The following TMEM131 variants were observed in gnomAD, a reference collection of about 807,000 sequenced individuals.
TMEM131 encodes the protein 2610524E03Rik.
A neutral mutation model predicts 211.6 loss-of-function variants in TMEM131; 66 were observed. The observed-to-expected ratio is 0.31, with a 90% confidence interval of 0.26 to 0.38. TMEM131 has a LOEUF of 0.38. Among genes scored for constraint, TMEM131 ranks in the 10% least tolerant of loss-of-function variants. The pLI is 1.00. For synonymous variants in TMEM131, 844 were observed against 841.3 expected, an observed-to-expected ratio of 1.00 and a Z score of -0.06; for missense variants, 2,036 against 2,299.3, an observed-to-expected ratio of 0.89 and a Z score of 2.34.
chr2:97,801,782 C>G (rs1367713565), intron 25 of TMEM131, 113 bp downstream of exon 25: 1 of 691,754 alleles, frequency 1.4e-6, no homozygotes, highest in African/African-American at 1.9e-5. Flanking sequence ...CTGACTTCTT[C>G]AGTAACTTAC....
chr2:97,873,599 A>G (rs1674577416), intron 4 of TMEM131, among the ~76,000 whole-genome samples: 1 of 152,238 alleles, frequency 6.6e-6, no homozygotes, highest in Admixed American at 6.5e-5. Flanking sequence ...GCTGATACCA[A>G]GGCAAACAGC....
intron 1 of TMEM131, among the ~76,000 whole-genome samples, chr2:97,978,087 G>C (rs1679622476): frequency 6.6e-6 from 1 of 151,758 alleles, no homozygotes; most frequent in South Asian, 2.1e-4. Context: ...ACTCGGTCTT[G>C]GGGAAAAAAA....
chr2:97,841,693 C>G, intron 7 of TMEM131, 122 bp downstream of exon 7: 1 of 1,144,908 alleles, frequency 8.7e-7, no homozygotes, highest in Non-Finnish European at 1.1e-6. Flanking sequence ...ATACCCCTCT[C>G]AATACACTAT....
intron 19 of TMEM131, 82 bp from the exon 20 acceptor site, chr2:97,805,785 T>C (rs1301790624): frequency 7.8e-7 from 1 of 1,274,240 alleles, no homozygotes; most frequent in Non-Finnish European, 1.1e-6. Context: ...TAGACAAGCA[T>C]ACTTCTAGGA....
At chr2:97,931,919 G>A (rs184195614) in intron 1 of TMEM131, among the ~76,000 whole-genome samples, 1 of 152,258 alleles carries the variant, frequency 6.6e-6, no homozygotes, top group East Asian at 1.9e-4. Flanking sequence ...GAGCAGCCCA[G>A]TTATCCTCTA....
chr2:97,919,500 T>C (rs1161967756), intron 2 of TMEM131, among the ~76,000 whole-genome samples: 2 of 152,256 alleles, frequency 1.3e-5, no homozygotes, highest in African/African-American at 4.8e-5. Flanking sequence ...AAGTCAGCTG[T>C]CAGGCTAATT....
At chr2:97,819,815 C>T (rs1454812830) in intron 11 of TMEM131, among the ~76,000 whole-genome samples, 1 of 152,192 alleles carries the variant, frequency 6.6e-6, no homozygotes, top group Non-Finnish European at 1.5e-5. Context: ...ACAGTCAGAT[C>T]CAGCAAGTCA....
intron 4 of TMEM131, among the ~76,000 whole-genome samples, chr2:97,869,702 C>G (rs1674415752): frequency 6.6e-6 from 1 of 152,186 alleles, no homozygotes; most frequent in African/African-American, 2.4e-5. Context: ...GAACAGCTTG[C>G]CTTCCTCCTC....
Position 97,760,834 on chromosome 2 carries a change from G to C in TMEM131, c.4970C>G (p.Pro1657Arg). 1 of 1,614,030 alleles carries C rather than the reference G, an allele frequency of 6.2e-7. No individual in the cohort carries two copies. The highest frequency in any genetic ancestry group is 1.1e-5 in the South Asian group (1 of 91,086). ...GCCAGCCGTGACTGCAGCAAAAGTG[G>C]GGTTGCCGTTCTTGCCCGGGAGCGA... ...AASLPGKNGN[P>R]TFAAVTAGYD... The change falls in exon 37 of 41, where the codon CCC (proline) becomes CGC (arginine). Residue 1657 changes from proline (P) to arginine (R), a missense_variant. Physicochemically the swap from Pro to Arg is moderately radical, Grantham distance 103. Transcript: ENST00000186436.
At chr2:97,767,027 A>G (rs1679200763) in intron 33 of TMEM131, among the ~76,000 whole-genome samples, 1 of 152,128 alleles carries the variant, frequency 6.6e-6, no homozygotes, top group African/African-American at 2.4e-5. Context: ...AAGATTTTGA[A>G]AGATCTCACA....
chr2:97,893,784 CTT>C (rs1412695871), intron 3 of TMEM131, among the ~76,000 whole-genome samples: 2 of 151,922 alleles, frequency 1.3e-5, no homozygotes, highest in African/African-American at 2.4e-5. Context: ...GATATTAGCT[CTT>C]TGTCAGATAG....
chr2:97,793,119 A>C, intron 30 of TMEM131, 135 bp from the exon 31 acceptor site: 1 of 703,146 alleles, frequency 1.4e-6, no homozygotes, highest in Non-Finnish European at 2.3e-6. Context: ...AAATAGGGAA[A>C]TTTCTACAAC....
chr2:97,898,726 A>C lies in TMEM131; in HGVS notation c.290+9932T>G, dbSNP rs571039471. Among the ~76,000 whole-genome samples the C allele has an allele frequency of 5.3e-5, 8 of 152,320 alleles. No individual in the cohort carries two copies. The South Asian group carries it at 1.7e-3, about 32-fold the overall frequency. Reference sequence around the variant, plus strand: ...TATTTTGTTATGGCAGTCTAGCCCAAGCAGACTAAGATATGTTGTACTTTT... The same window carrying C: ...TATTTTGTTATGGCAGTCTAGCCCACGCAGACTAAGATATGTTGTACTTTT... On this transcript the variant is annotated intron_variant, in intron 3 of 40. Coordinates refer to ENST00000186436, the MANE Select transcript of TMEM131 (RefSeq NM_015348.2).
At chr2:97,862,156 A>C (rs1490297674) in intron 4 of TMEM131, among the ~76,000 whole-genome samples, 1 of 152,214 alleles carries the variant, frequency 6.6e-6, no homozygotes. Context: ...GTCTGCAAGA[A>C]CCACAGTGTT....
At chr2:97,947,506 T>C (rs1216230815) in intron 1 of TMEM131, among the ~76,000 whole-genome samples, 2 of 151,974 alleles carry the variant, frequency 1.3e-5, no homozygotes, top group South Asian at 2.1e-4. Context: ...TACAATTGCA[T>C]CAAAATACTA....
chr2:97,859,227 G>T, intron 5 of TMEM131, 77 bp downstream of exon 5: 1 of 1,430,196 alleles, frequency 7.0e-7, no homozygotes. Context: ...TCTAATCACA[G>T]CAAGTTATTA....
intron 40 of TMEM131, among the ~76,000 whole-genome samples, chr2:97,757,894 AG>A (rs1678585272): frequency 6.6e-6 from 1 of 152,178 alleles, no homozygotes; most frequent in Non-Finnish European, 1.5e-5. Flanking sequence ...CCACTTTGGG[AG>A]GCCGACGTGG....
At chr2:97,994,155 T>C (rs1321387523) in intron 1 of TMEM131, among the ~76,000 whole-genome samples, 1 of 152,208 alleles carries the variant, frequency 6.6e-6, no homozygotes, top group African/African-American at 2.4e-5. Flanking sequence ...GCCAAAATGC[T>C]AGGTGCCACG....
intron 12 of TMEM131, among the ~76,000 whole-genome samples, chr2:97,816,552 C>T (rs910987751): frequency 9.2e-5 from 14 of 151,900 alleles, no homozygotes; most frequent in African/African-American, 3.4e-4. Flanking sequence ...AACCTCATGA[C>T]AAAAAAGAAC....
Sources: gnomAD v4.1 joint callset for allele counts (sites outside exome capture counted in the v4.1 genomes callset) on GRCh38, gnomAD v4.1.1 for gene constraint, MANE v1.5 for transcripts, NCBI Gene and HGNC (gene_info 2026-07-23, HGNC 2026-07-21) for gene names.